Variants in LCMT1 observed in about 807,000 individuals in gnomAD.
LCMT1 encodes leucine carboxyl methyltransferase 1.
LCMT1 carries 32 observed loss-of-function variants against 47.7 expected under a neutral mutation model. That is an observed-to-expected ratio of 0.67 (90% CI 0.51 to 0.90). LCMT1 has a LOEUF of 0.90. LCMT1 is among the 40% of genes least tolerant of loss of function. LCMT1 has a pLI of 0.00. For missense variants in LCMT1, 375 were observed against 415.2 expected, an observed-to-expected ratio of 0.90 and a Z score of 0.84; for synonymous variants, 152 against 149.7, an observed-to-expected ratio of 1.02 and a Z score of -0.11.
chr16:25,132,841 C>T (rs1390132102), intron 3 of LCMT1, among the ~76,000 whole-genome samples: 1 of 149,560 alleles, frequency 6.7e-6, no homozygotes, highest in African/African-American at 2.5e-5. Context: ...ATGGAGAGCT[C>T]ATGCATGCAT....
At chr16:25,131,718 C>T (rs762385270) in intron 2 of LCMT1, among the ~76,000 whole-genome samples, 16 of 152,148 alleles carry the variant, frequency 1.1e-4, no homozygotes, top group Non-Finnish European at 1.8e-4. Context: ...ACCCTCCACC[C>T]GAAAACTTAA....
At chr16:25,137,577 T>G (rs1960540458) in intron 3 of LCMT1, among the ~76,000 whole-genome samples, 1 of 151,992 alleles carries the variant, frequency 6.6e-6, no homozygotes, top group Non-Finnish European at 1.5e-5. Context: ...TCCAAGTAGC[T>G]GGGGACTACA....
At chr16:25,148,213 C>G (rs533756340) in intron 4 of LCMT1, 2 of 152,420 alleles carry the variant, frequency 1.3e-5, no homozygotes, top group Non-Finnish European at 2.9e-5. Flanking sequence ...AGCCTTACAG[C>G]AGGTCCAGGT....
At chr16:25,169,348 G>A (rs1265385116) in intron 8 of LCMT1, 135 bp downstream of exon 8, 3 of 615,938 alleles carry the variant, frequency 4.9e-6, no homozygotes, top group Admixed American at 5.5e-5. Context: ...GAGCCTCCAT[G>A]TGGGCCGCTA....
At chr16:25,172,628 T>C (rs1961810245) in intron 9 of LCMT1, among the ~76,000 whole-genome samples, 1 of 152,248 alleles carries the variant, frequency 6.6e-6, no homozygotes, top group South Asian at 2.1e-4. Flanking sequence ...GAGAAGAATT[T>C]TGGCTTTGCT....
intron 5 of LCMT1, among the ~76,000 whole-genome samples, chr16:25,152,435 A>G (rs899693037): frequency 6.6e-6 from 1 of 152,152 alleles, no homozygotes; most frequent in Non-Finnish European, 1.5e-5. Flanking sequence ...TTTAGTCTAT[A>G]GTAGACTTTT....
At chr16:25,147,414 T>G (rs1960895198) in intron 4 of LCMT1, 1 of 152,150 alleles carries the variant, frequency 6.6e-6, no homozygotes, top group South Asian at 2.1e-4. Context: ...CCTGAGGCTG[T>G]GGAGGTCCGC....
intron 9 of LCMT1, 100 bp downstream of exon 9, chr16:25,170,905 G>T (rs1961745480): frequency 2.5e-6 from 2 of 805,008 alleles, no homozygotes; most frequent in South Asian, 2.0e-5. Context: ...AATATGTGGA[G>T]ATTTCATTAA....
chr16:25,170,822 C>CG lies in LCMT1; in HGVS notation c.884+18dup. 1 of 1,560,284 alleles carries CG rather than the reference C, an allele frequency of 6.4e-7. No homozygotes were observed. The highest frequency in any genetic ancestry group is 1.1e-5 in the South Asian group (1 of 87,374). On this transcript the variant is annotated intron_variant, in intron 9 of 10. Transcript: ENST00000399069. ...AGTGAGCAGGTATGGGGTTGGTGAG[C>CG]GTCAGCTTGATGGGCATTCATTGTG...
chr16:25,140,179 T>G lies in LCMT1; in HGVS notation c.336T>G (p.Asp112Glu). The G allele has an allele frequency of 6.2e-7, 1 of 1,607,150 alleles. No homozygotes were observed. ...TGTGTGTTTTTCCCCAGGATGAAGA[T>G]CTTCTCCCAAGTAAATATTTTGAGG... ...DTTFWRLKDE[D>E]LLPSKYFEVD... The change falls in exon 4 of 11, where the codon GAT becomes GAG. Residue 112 changes from aspartate to glutamate, a missense_variant. Transcript: ENST00000399069.
chr16:25,136,697 G>A (rs1477785647), intron 3 of LCMT1, among the ~76,000 whole-genome samples: 3 of 150,878 alleles, frequency 2.0e-5, no homozygotes, highest in South Asian at 2.1e-4. Flanking sequence ...TTACAGATGC[G>A]CACCACCGTG....
chr16:25,147,720 C>T, intron 4 of LCMT1: 1 of 151,518 alleles, frequency 6.6e-6, no homozygotes, highest in East Asian at 1.9e-4. Context: ...GAGGCAGGGT[C>T]TCACTCCATT....
intron 10 of LCMT1, among the ~76,000 whole-genome samples, chr16:25,177,595 A>G (rs543740272): frequency 6.6e-4 from 101 of 152,294 alleles, no homozygotes; most frequent in African/African-American, 2.3e-3. Context: ...AGTGAACTCT[A>G]GTTCTCACAA....
intron 3 of LCMT1, among the ~76,000 whole-genome samples, chr16:25,136,889 T>G (rs936342088): frequency 6.6e-6 from 1 of 152,148 alleles, no homozygotes; most frequent in Non-Finnish European, 1.5e-5. Context: ...CTTTCTCTGC[T>G]CTGACTTCTT....
intron 6 of LCMT1, among the ~76,000 whole-genome samples, chr16:25,162,937 C>T (rs1961474818): frequency 6.6e-6 from 1 of 152,180 alleles, no homozygotes; most frequent in African/African-American, 2.4e-5. Flanking sequence ...GTGGCGTGAT[C>T]TGTGCTTACT....
intron 9 of LCMT1, among the ~76,000 whole-genome samples, chr16:25,171,730 T>C (rs1409886372): frequency 6.6e-6 from 1 of 152,204 alleles, no homozygotes; most frequent in African/African-American, 2.4e-5. Context: ...AGGAAATCTA[T>C]GCTTCTTGTT....
At chr16:25,128,133 A>C (rs1972764) in intron 1 of LCMT1, among the ~76,000 whole-genome samples, 111,431 of 152,050 alleles carry the variant, frequency 0.73, 41,007 homozygotes, top group Middle Eastern at 0.78. Context: ...AGCTCTGGCC[A>C]TGAGTTTGCA....
Position 25,111,800 on chromosome 16 carries a change from C to T in LCMT1, c.-84C>T, listed in dbSNP as rs1381302201. ...CCCTACCCTCTTCTGTTGCTTTCTC[C>T]CTGTGGCTCGCGCCGTCCCCCGCCG... On this transcript the variant is annotated 5_prime_UTR_variant, in exon 1 of 11. Transcript: ENST00000399069. 7 of 913,154 alleles carry T rather than the reference C, an allele frequency of 7.7e-6. No homozygotes were observed. Among genetic ancestry groups the T allele is most frequent in the Admixed American group, 4.0e-5 (2 of 49,760 alleles). 56.6% of individuals were successfully genotyped at this position (913,154 alleles called of 1,614,324 possible). A position where few individuals can be genotyped will look rare whatever the true frequency, so the allele number is the denominator to read the frequency against.
At chr16:25,169,995 G>A (rs1447700728) in intron 8 of LCMT1, among the ~76,000 whole-genome samples, 1 of 151,944 alleles carries the variant, frequency 6.6e-6, no homozygotes, top group Non-Finnish European at 1.5e-5. Flanking sequence ...TGAGGCGGGC[G>A]GATCACCTGA....
Sources: gnomAD v4.1 joint callset for allele counts (sites outside exome capture counted in the v4.1 genomes callset) on GRCh38, gnomAD v4.1.1 for gene constraint, MANE v1.5 for transcripts, NCBI Gene and HGNC (gene_info 2026-07-23, HGNC 2026-07-21) for gene names.